The following ARID3A variants were observed in gnomAD, a reference collection of about 807,000 sequenced individuals.
The protein encoded by ARID3A is AT-rich interactive domain-containing protein 3A.
Under a neutral mutation model 52.7 loss-of-function variants are expected in ARID3A, and 11 were observed. The ratio of observed to expected loss-of-function variants is 0.21; its 90% CI spans 0.13 to 0.35. The LOEUF (loss-of-function observed/expected upper bound fraction) is 0.35. Among genes scored for constraint, ARID3A ranks in the 10% least tolerant of loss-of-function variants. The pLI is 1.00. For synonymous variants in ARID3A, 404 were observed against 359.4 expected (o/e 1.12, Z -1.40); for missense variants, 721 against 838.5 (o/e 0.86, Z 1.73).
chr19:969,147 G>A (rs2038225396), intron 8 of ARID3A, among the ~76,000 whole-genome samples: 1 of 151,824 alleles, frequency 6.6e-6, no homozygotes, highest in South Asian at 2.1e-4. Context: ...ATTTTTGTGG[G>A]TACATAGTAG....
intron 8 of ARID3A, among the ~76,000 whole-genome samples, chr19:969,234 G>A (rs2038227531): frequency 6.6e-6 from 1 of 151,934 alleles, no homozygotes; most frequent in African/African-American, 2.4e-5. Context: ...GGTAAATGAG[G>A]TATCCAAAAA....
intron 2 of ARID3A, 39 bp from the exon 3 acceptor site, chr19:932,379 G>C (rs370855822): frequency 3.8e-6 from 6 of 1,580,844 alleles, no homozygotes; most frequent in Non-Finnish European, 5.1e-6. Context: ...GGACGAGCCA[G>C]CACCTTCTCC....
intron 3 of ARID3A, among the ~76,000 whole-genome samples, chr19:952,301 G>A (rs2037816418): frequency 6.6e-6 from 1 of 151,760 alleles, no homozygotes; most frequent in South Asian, 2.1e-4. Context: ...TTAAAACTGG[G>A]CATGGTGGTG....
intron 2 of ARID3A, 29 bp from the exon 3 acceptor site, chr19:932,389 C>T (rs779681635): frequency 6.9e-6 from 11 of 1,589,650 alleles, no homozygotes; most frequent in East Asian, 2.3e-5. Context: ...GCACCTTCTC[C>T]CCTGACTCCT....
At chr19:939,095 CTATTTATTTATTTATT>C (rs57727834) in intron 3 of ARID3A, among the ~76,000 whole-genome samples, 13,689 of 121,160 alleles carry the variant, frequency 0.11, 935 homozygotes, top group African/African-American at 0.22. Context: ...CACACCTGGC[CTATTTATTTATTTATT>C]TATTTATTTA....
chr19:973,457 G>C lies in ARID3A; in HGVS notation c.*1392G>C, dbSNP rs924392883. Reference sequence around the variant, plus strand: ...AAAAAGTAGCAAGTGCTGGAAAAAGGGCCTGGGGGGCGGGGGTGGTTCTTG... The same window carrying C: ...AAAAAGTAGCAAGTGCTGGAAAAAGCGCCTGGGGGGCGGGGGTGGTTCTTG... On this transcript the variant is annotated 3_prime_UTR_variant, in exon 9 of 9. Coordinates refer to ENST00000263620, the MANE Select transcript of ARID3A (RefSeq NM_005224.3). The C allele has an allele frequency of 9.5e-6, 2 of 209,942 alleles. No homozygotes were observed. Among genetic ancestry groups the C allele is most frequent in the Admixed American group, 1.2e-4 (2 of 16,884 alleles). The allele number at this position is 209,942 out of a possible 1,614,324, so 13.0% of individuals were successfully genotyped here.
At chr19:935,829 C>T (rs755554744) in intron 3 of ARID3A, among the ~76,000 whole-genome samples, 31 of 151,994 alleles carry the variant, frequency 2.0e-4, no homozygotes, top group Non-Finnish European at 2.6e-4. Context: ...CTCGCTCTGT[C>T]GCCCAGGCTG....
chr19:934,124 G>A (rs537520386), intron 3 of ARID3A, among the ~76,000 whole-genome samples: 3 of 152,262 alleles, frequency 2.0e-5, no homozygotes, highest in East Asian at 1.9e-4. Context: ...GACTCAGCCC[G>A]CAGGGAGCCC....
chr19:957,822 C>T (rs1385485302), intron 3 of ARID3A, among the ~76,000 whole-genome samples: 1 of 152,002 alleles, frequency 6.6e-6, no homozygotes, highest in African/African-American at 2.4e-5. Context: ...CCAGGCTGGG[C>T]AACAGAGTGA....
chr19:964,485 T>A lies in ARID3A; in HGVS notation c.950+54T>A, dbSNP rs1014442455. 2.0e-6 allele frequency: 3 copies of A among 1,510,744 alleles called. No individual in the cohort carries two copies. Among genetic ancestry groups the A allele is most frequent in the Non-Finnish European group, 2.7e-6 (3 of 1,124,410 alleles). The allele number at this position is 1,510,744 out of a possible 1,614,324, so 93.6% of individuals were successfully genotyped here. On this transcript the variant is annotated intron_variant, in intron 5 of 8. Coordinates refer to ENST00000263620, the MANE Select transcript of ARID3A (RefSeq NM_005224.3). This position sits in a 1 kb window ranked among gnomAD's most constrained non-coding sequence, Gnocchi z 5.7. ...GGGCCAGGGCACTCTGAGCAGCCAG[T>A]GCAAGGGGCCTGCAGAAGAGGGAGG...
chr19:933,849 G>GGGA (rs1568356592), intron 3 of ARID3A, among the ~76,000 whole-genome samples: 14 of 148,198 alleles, frequency 9.4e-5, no homozygotes, highest in African/African-American at 3.5e-4. Flanking sequence ...GACTCGGTGG[G>GGGA]GGGGGGGGGC....
intron 6 of ARID3A, 76 bp downstream of exon 6, chr19:965,156 C>A: frequency 3.4e-6 from 5 of 1,450,458 alleles, no homozygotes; most frequent in Non-Finnish European, 4.6e-6. Context: ...GGGGATACCT[C>A]TTCCCCTCTC....
chr19:966,911 TCA>T (rs755828952), intron 7 of ARID3A, 43 bp downstream of exon 7: 1 of 1,556,170 alleles, frequency 6.4e-7, no homozygotes, highest in Admixed American at 1.8e-5. Flanking sequence ...CCTGCGTGTG[TCA>T]CACAGTGAGG....
In ARID3A at chr19:942,581, T is replaced by A. The variant is rs1026782209; in HGVS notation, c.693+9839T>A. On this transcript the variant is annotated intron_variant, in intron 3 of 8. Transcript: ENST00000263620. The surrounding 1 kb of genome is among the most constrained non-coding windows in gnomAD (Gnocchi z 8.1). ...GGCCCAAGCGCCGGGATATGCAGCC[T>A]TGCCCCTTGGTCAGGGCTGGGCTGG... is the stretch of plus-strand genomic sequence containing the variant. Among the ~76,000 whole-genome samples, 8 of 152,274 alleles carry A rather than the reference T, an allele frequency of 5.3e-5. No homozygotes were observed. The highest frequency in any genetic ancestry group is 2.1e-4 in the South Asian group (1 of 4,824).
intron 3 of ARID3A, among the ~76,000 whole-genome samples, chr19:949,424 T>G (rs2037759683): frequency 1.3e-5 from 2 of 151,702 alleles, no homozygotes; most frequent in South Asian, 4.2e-4. Context: ...GTGCTGTCAG[T>G]GGATGGGAGC....
chr19:961,076 C>A (rs1312935493), intron 4 of ARID3A, among the ~76,000 whole-genome samples: 1 of 152,208 alleles, frequency 6.6e-6, no homozygotes, highest in Admixed American at 6.5e-5. Flanking sequence ...GCCGCCCCAA[C>A]CCCCCTGGAC....
chr19:960,187 G>C lies in ARID3A; in HGVS notation c.766+23G>C, dbSNP rs1637993. 0.97 allele frequency: 1,544,059 copies of C among 1,597,950 alleles called. 746,724 individuals are homozygous for C. The highest frequency in any genetic ancestry group is 0.99 in the East Asian group (43,345 of 43,766). ...GAGGTGAGCCCTCTGCCCCCACCCC[G>C]CTGGAGGGAGGTCACAGAAACAGGG... is the stretch of plus-strand genomic sequence containing the variant. On this transcript the variant is annotated intron_variant, in intron 4 of 8. Coordinates refer to ENST00000263620, the MANE Select transcript of ARID3A (RefSeq NM_005224.3). This position sits in a 1 kb window ranked among gnomAD's most constrained non-coding sequence, Gnocchi z 4.3.
rs528704964 is a variant in ARID3A at position 936,922 on chromosome 19, A to G, written c.693+4180A>G. Among the ~76,000 whole-genome samples, 4 of 152,110 alleles carry G rather than the reference A, an allele frequency of 2.6e-5. No individual in the cohort carries two copies. In the East Asian group the frequency reaches 7.7e-4, roughly 29 times the overall value. On this transcript the variant is annotated intron_variant, in intron 3 of 8. Coordinates refer to ENST00000263620, the MANE Select transcript of ARID3A (RefSeq NM_005224.3). The stretch of plus-strand genomic sequence containing the variant: ...CAGCACGCCCCAGCCCCTGGCAACC[A>G]CACATCCCCTCCTGCCTCTGTGGAT...
At position 964,787 on chromosome 19, in the gene ARID3A, G is replaced by A. The variant is rs201249817; in HGVS notation, c.951-46G>A. On this transcript the variant is annotated intron_variant, in intron 5 of 8. Transcript: ENST00000263620. The surrounding 1 kb of genome is among the most constrained non-coding windows in gnomAD (Gnocchi z 5.7). ...TTTGTACTGAAGGCCAAAGAGAGCC[G>A]TAGGGGTGACCCGGGTGCCATCCTC... 1.0e-4 allele frequency: 167 copies of A among 1,592,942 alleles called. 2 individuals carry two copies. The highest frequency in any genetic ancestry group is 4.8e-4 in the Admixed American group (28 of 58,886).
Sources: allele counts gnomAD v4.1 joint callset (sites outside exome capture counted in the v4.1 genomes callset), GRCh38; gene constraint gnomAD v4.1.1; non-coding constraint Gnocchi (gnomAD v3.1); transcripts MANE v1.5; gene names NCBI Gene and HGNC (gene_info 2026-07-23, HGNC 2026-07-21).